Variants in CALB1 observed in about 807,000 individuals in gnomAD.
CALB1 encodes calbindin.
Under a neutral mutation model 46.7 loss-of-function variants are expected in CALB1, and 16 were observed. That is an observed-to-expected ratio of 0.34 (90% CI 0.23 to 0.52). CALB1 has a LOEUF of 0.52. Ranked by LOEUF, CALB1 falls within the 20% of genes least tolerant of loss-of-function variation. The pLI, the probability that CALB1 is intolerant of heterozygous loss-of-function variation, is 0.95. For synonymous variants in CALB1, 90 were observed against 112.8 expected (o/e 0.80, Z 1.28); for missense variants, 224 against 300.3 (o/e 0.75, Z 1.88).
chr8:90,064,335 A>G (rs542631990), intron 6 of CALB1: 2 of 151,748 alleles, frequency 1.3e-5, no homozygotes, highest in Non-Finnish European at 3.0e-5. Context: ...ACATTTTATA[A>G]TCCATTGACC....
intron 6 of CALB1, 78 bp from the exon 7 acceptor site, chr8:90,063,539 CTGTT>C (rs1202861897): frequency 3.2e-6 from 4 of 1,239,046 alleles, no homozygotes; most frequent in Non-Finnish European, 4.7e-6. Context: ...CAAAATAAAG[CTGTT>C]TGAGTTATCA....
At chr8:90,077,215 T>C (rs1237185336) in intron 3 of CALB1, among the ~76,000 whole-genome samples, 2 of 152,024 alleles carry the variant, frequency 1.3e-5, no homozygotes, top group African/African-American at 2.4e-5. Flanking sequence ...TCTATTTATA[T>C]AGTAATGAGT....
rs183019716 is a variant in CALB1, at chr8:90,079,548, C to G, written c.157-1101G>C. 4.1e-3 allele frequency among the ~76,000 whole-genome samples: 624 copies of G among 151,938 alleles called. 1 individual carries two copies. Among genetic ancestry groups the G allele is most frequent in the Non-Finnish European group, 6.7e-3 (451 of 67,804 alleles). On this transcript the variant is annotated intron_variant, in intron 2 of 10. Transcript: ENST00000265431. ...ACAGTTTTTTTATTTTTACATACAT[C>G]TTAACGTAAACAAAAACCAAAGCAT...
intron 5 of CALB1, among the ~76,000 whole-genome samples, chr8:90,067,237 C>T (rs1211423745): frequency 2.0e-5 from 3 of 152,022 alleles, no homozygotes; most frequent in Non-Finnish European, 2.9e-5. Flanking sequence ...ATGTTTTACT[C>T]TATTATGGAT....
chr8:90,070,401 A>T (rs955996978), intron 3 of CALB1, among the ~76,000 whole-genome samples: 21 of 152,198 alleles, frequency 1.4e-4, no homozygotes, highest in African/African-American at 4.8e-4. Context: ...CAGTTCTAAA[A>T]GTTCTACCAA....
chr8:90,082,805 A>T lies in CALB1; in HGVS notation c.-108T>A, dbSNP rs983081411. The T allele has an allele frequency of 1.1e-4, 124 of 1,096,488 alleles. No homozygotes were observed. Among genetic ancestry groups the T allele is most frequent in the Non-Finnish European group, 1.7e-4 (124 of 714,242 alleles). 67.9% of individuals were successfully genotyped at this position (1,096,488 alleles called of 1,614,324 possible). A position where few individuals can be genotyped will look rare whatever the true frequency, so the allele number is the denominator to read the frequency against. ...GTGCGCGAGTCAGGGCTGCGGAGGG[A>T]GACCTGGGCGCGGGCGCTGCCGGGC... is the stretch of plus-strand genomic sequence containing the variant. On this transcript the variant is annotated 5_prime_UTR_variant, in exon 1 of 11. Coordinates refer to ENST00000265431, the MANE Select transcript of CALB1 (RefSeq NM_004929.4).
At chr8:90,077,489 A>G (rs992856587) in intron 3 of CALB1, among the ~76,000 whole-genome samples, 1 of 152,072 alleles carries the variant, frequency 6.6e-6, no homozygotes, top group Non-Finnish European at 1.5e-5. Context: ...TAAATAACAT[A>G]ATTATGTTAT....
chr8:90,074,323 T>G (rs1183231451), intron 3 of CALB1, among the ~76,000 whole-genome samples: 1 of 152,142 alleles, frequency 6.6e-6, no homozygotes, highest in Non-Finnish European at 1.5e-5. Flanking sequence ...CATAACAACC[T>G]TATGAAGTTA....
chr8:90,077,649 A>T (rs1814644962), intron 3 of CALB1, among the ~76,000 whole-genome samples: 1 of 152,052 alleles, frequency 6.6e-6, no homozygotes, highest in Admixed American at 6.6e-5. Context: ...CTCTTTCACA[A>T]ATCTGAGAAT....
chr8:90,063,737 T>C, intron 6 of CALB1: 1 of 343,614 alleles, frequency 2.9e-6, no homozygotes, highest in Non-Finnish European at 5.3e-6. Context: ...GCAAATACGT[T>C]CATATGTGTA....
At chr8:90,063,719 T>A in intron 6 of CALB1, 1 of 403,450 alleles carries the variant, frequency 2.5e-6, no homozygotes, top group Non-Finnish European at 4.4e-6. Flanking sequence ...TACTGTCACT[T>A]TTTTATTGCA....
intron 9 of CALB1, chr8:90,062,311 C>T (rs755602932): frequency 1.1e-4 from 17 of 151,882 alleles, no homozygotes; most frequent in Non-Finnish European, 1.5e-5. Flanking sequence ...AAACCATAAG[C>T]AAGGACAACA....
At chr8:90,061,551 A>T (rs1469432067) in intron 9 of CALB1, 2 of 152,182 alleles carry the variant, frequency 1.3e-5, no homozygotes, top group Non-Finnish European at 2.9e-5. Flanking sequence ...CAAAATTAAC[A>T]ATCAGAAATT....
chr8:90,076,000 T>A (rs547536208), intron 3 of CALB1, among the ~76,000 whole-genome samples: 2 of 152,074 alleles, frequency 1.3e-5, no homozygotes, highest in East Asian at 3.8e-4. Context: ...AGTTTCTTCA[T>A]CCTTAAAATA....
chr8:90,071,472 G>A (rs1814515179), intron 3 of CALB1, among the ~76,000 whole-genome samples: 1 of 152,090 alleles, frequency 6.6e-6, no homozygotes, highest in Non-Finnish European at 1.5e-5. Context: ...GGCTCTGGAG[G>A]ACGGAGAGCC....
intron 6 of CALB1, 23 bp downstream of exon 6, chr8:90,065,875 A>G: frequency 6.7e-7 from 1 of 1,493,000 alleles, no homozygotes; most frequent in Non-Finnish European, 9.3e-7. Flanking sequence ...TCTTGGGTAC[A>G]ATCTTTTCAA....
intron 5 of CALB1, among the ~76,000 whole-genome samples, chr8:90,067,779 T>G (rs964274845): frequency 6.6e-6 from 1 of 152,154 alleles, no homozygotes; most frequent in Admixed American, 6.5e-5. Context: ...TGGGGAATCA[T>G]TCTTAGCATT....
At chr8:90,073,477 A>C (rs1814569368) in intron 3 of CALB1, among the ~76,000 whole-genome samples, 1 of 152,200 alleles carries the variant, frequency 6.6e-6, no homozygotes, top group Non-Finnish European at 1.5e-5. Flanking sequence ...CTGTAGGGTC[A>C]GCTGATGTCC....
chr8:90,073,309 C>T (rs1814566771), intron 3 of CALB1, among the ~76,000 whole-genome samples: 2 of 152,056 alleles, frequency 1.3e-5, no homozygotes, highest in Admixed American at 1.3e-4. Context: ...GCTGCAGCCT[C>T]ACCTGTGAGG....
Sources: gnomAD v4.1 joint callset for allele counts (sites outside exome capture counted in the v4.1 genomes callset) on GRCh38, gnomAD v4.1.1 for gene constraint, MANE v1.5 for transcripts, NCBI Gene and HGNC (gene_info 2026-07-23, HGNC 2026-07-21) for gene names.